PRKN: variants seen among roughly 807,000 people sequenced by gnomAD.
PRKN encodes the protein E3 ubiquitin-protein ligase parkin.
A neutral mutation model predicts 59.5 loss-of-function variants in PRKN; 56 were observed. That is an observed-to-expected ratio of 0.94 (90% CI 0.76 to 1.18). The LOEUF is 1.18. Among genes scored for constraint, PRKN ranks in the 50% most tolerant of loss-of-function variants. The pLI, the probability that PRKN is intolerant of heterozygous loss-of-function variation, is 0.00. For synonymous variants in PRKN, 250 were observed against 222.1 expected (o/e 1.13, Z -1.12); for missense variants, 657 against 596.4 (o/e 1.10, Z -1.06).
intron 2 of PRKN, among the ~76,000 whole-genome samples, chr6:162,436,064 G>A (rs924392690): frequency 1.3e-5 from 2 of 149,222 alleles, no homozygotes; most frequent in Non-Finnish European, 3.0e-5. Context: ...AAATCCCAGC[G>A]ACTTGAGAGG....
Position 161,393,749 on chromosome 6 carries a change from C to T in PRKN, c.1084-6872G>A, listed in dbSNP as rs2114961797. Among the ~76,000 whole-genome samples the T allele has an allele frequency of 6.6e-6, 1 of 151,128 alleles. No individual in the cohort carries two copies. Among genetic ancestry groups the T allele is most frequent in the South Asian group, 2.1e-4 (1 of 4,816 alleles). ...AAAATAAGGCTTGATGATGATCTCT[C>T]TATGGAAGCCAAGATTTCTTTGTGC... On this transcript the variant is annotated intron_variant, in intron 9 of 11. Transcript: ENST00000366898. The surrounding 1 kb of genome is among the most constrained non-coding windows in gnomAD (Gnocchi z 4.7).
chr6:162,129,142 C>G (rs12208628), intron 4 of PRKN, among the ~76,000 whole-genome samples: 14 of 152,158 alleles, frequency 9.2e-5, no homozygotes, highest in Middle Eastern at 3.4e-3. Context: ...TTCTCAAGAG[C>G]AAAAATTCCT....
intron 6 of PRKN, among the ~76,000 whole-genome samples, chr6:161,907,946 C>T (rs1415755471): frequency 4.6e-5 from 7 of 151,894 alleles, no homozygotes; most frequent in Admixed American, 1.3e-4. Flanking sequence ...GGTGTGGGGG[C>T]GGGTGCCTGT....
In PRKN at chr6:161,533,989, C is replaced by A. The variant is rs1187827482; in HGVS notation, c.1083+14865G>T. Among the ~76,000 whole-genome samples the A allele has an allele frequency of 6.6e-6, 1 of 152,056 alleles. No homozygotes were observed. Among genetic ancestry groups the A allele is most frequent in the Non-Finnish European group, 1.5e-5 (1 of 68,018 alleles). ...CTGTGACTTCAGTGAACCCCCTTTC[C>A]ACCTGTCCTCCTCGCCCTCACACTA... is the stretch of plus-strand genomic sequence containing the variant. On this transcript the variant is annotated intron_variant, in intron 9 of 11. Coordinates refer to ENST00000366898, the MANE Select transcript of PRKN (RefSeq NM_004562.3). This position sits in a 1 kb window ranked among gnomAD's most constrained non-coding sequence, Gnocchi z 4.1.
At chr6:161,877,662 G>T (rs1583288766) in intron 6 of PRKN, among the ~76,000 whole-genome samples, 1 of 151,872 alleles carries the variant, frequency 6.6e-6, no homozygotes, top group Admixed American at 6.6e-5. Context: ...TAGAGACAGG[G>T]TTACACCGTG....
intron 3 of PRKN, among the ~76,000 whole-genome samples, chr6:162,207,370 C>T (rs1057384057): frequency 6.6e-6 from 1 of 151,910 alleles, no homozygotes; most frequent in African/African-American, 2.4e-5. Context: ...AGACTCTGTC[C>T]CCCCAACCAA....
At position 162,154,991 on chromosome 6, in the gene PRKN, C is replaced by CA. The variant is rs796724269; in HGVS notation, c.534+46139dup. On this transcript the variant is annotated intron_variant, in intron 4 of 11. Transcript: ENST00000366898. ...ATGCAAAAAAAAAAACAAAAAAATT[C>CA]AAAAAAAGCACAAAAAGGACTCTGA... 4.1e-5 allele frequency among the ~76,000 whole-genome samples: 6 copies of CA among 147,396 alleles called. 1 individual carries two copies. The highest frequency in any genetic ancestry group is 1.5e-4 in the African/African-American group (6 of 40,264).
At chr6:162,555,847 T>C (rs1647816261) in intron 1 of PRKN, among the ~76,000 whole-genome samples, 1 of 151,600 alleles carries the variant, frequency 6.6e-6, no homozygotes, top group African/African-American at 2.4e-5. Context: ...AAAAACTAGC[T>C]GGGTGTGGTG....
At chr6:161,663,533 C>T (rs1439217164) in intron 7 of PRKN, among the ~76,000 whole-genome samples, 1 of 152,054 alleles carries the variant, frequency 6.6e-6, no homozygotes, top group Non-Finnish European at 1.5e-5. Flanking sequence ...AATATTCATA[C>T]TTAGTGGGAT....
At chr6:162,624,015 G>A (rs536554093) in intron 1 of PRKN, among the ~76,000 whole-genome samples, 6 of 152,162 alleles carry the variant, frequency 3.9e-5, no homozygotes, top group East Asian at 1.9e-4. Flanking sequence ...TTGGGAGGCC[G>A]AGGTGGGCGG....
chr6:162,469,230 A>G (rs1435355299), intron 1 of PRKN, among the ~76,000 whole-genome samples: 1 of 151,782 alleles, frequency 6.6e-6, no homozygotes, highest in African/African-American at 2.4e-5. Flanking sequence ...CACTATAAGA[A>G]AAGTTCAGAG....
In PRKN at chr6:161,393,472, C is replaced by T. The variant is rs1786608433; in HGVS notation, c.1084-6595G>A. Reference sequence around the variant, plus strand: ...AGCCCCCTTAGACGCTCTGTACTACCAGAGAGCTATGTGAATGGCCCATCA... The same window carrying T: ...AGCCCCCTTAGACGCTCTGTACTACTAGAGAGCTATGTGAATGGCCCATCA... On this transcript the variant is annotated intron_variant, in intron 9 of 11. Coordinates refer to ENST00000366898, the MANE Select transcript of PRKN (RefSeq NM_004562.3). This position sits in a 1 kb window ranked among gnomAD's most constrained non-coding sequence, Gnocchi z 4.7. Among the ~76,000 whole-genome samples, 1 of 152,090 alleles carries T rather than the reference C, an allele frequency of 6.6e-6. No individual in the cohort carries two copies. The highest frequency in any genetic ancestry group is 1.9e-4 in the East Asian group (1 of 5,198).
rs1299889216 is a variant in PRKN at position 162,021,138 on chromosome 6, ATATATATATATATATATATATAT to A, written c.618+32930_618+32952del. ...CAAAAACATATATATATATATATAT[ATATATATATATATATATATATAT>A]ATATAAAATATATGTGTATATATAT... On this transcript the variant is annotated intron_variant, in intron 5 of 11. Transcript: ENST00000366898. Among the ~76,000 whole-genome samples, 20 of 63,020 alleles carry A rather than the reference ATATATATATATATATATATATAT, an allele frequency of 3.2e-4. 3 individuals carry two copies. The highest frequency in any genetic ancestry group is 2.5e-3 in the Admixed American group (13 of 5,120). 41.3% of individuals were successfully genotyped at this position (63,020 alleles called of 152,430 possible).
intron 7 of PRKN, among the ~76,000 whole-genome samples, chr6:161,781,059 T>G (rs1051534810): frequency 2.0e-5 from 3 of 152,188 alleles, no homozygotes; most frequent in Admixed American, 6.5e-5. Flanking sequence ...GAAACAGGGA[T>G]GGAACCGAAC....
intron 2 of PRKN, among the ~76,000 whole-genome samples, chr6:162,422,118 T>C (rs1789001526): frequency 6.6e-6 from 1 of 152,236 alleles, no homozygotes; most frequent in Non-Finnish European, 1.5e-5. Flanking sequence ...ATCTGCATAA[T>C]GGAAACAGTT....
intron 6 of PRKN, among the ~76,000 whole-genome samples, chr6:161,892,007 C>A (rs1163559538): frequency 6.6e-6 from 1 of 152,190 alleles, no homozygotes; most frequent in Non-Finnish European, 1.5e-5. Flanking sequence ...CCTTTGCATC[C>A]TGATGGACTC....
chr6:162,038,176 A>T (rs1386197290), intron 5 of PRKN, among the ~76,000 whole-genome samples: 1 of 152,064 alleles, frequency 6.6e-6, no homozygotes, highest in African/African-American at 2.4e-5. Flanking sequence ...AATTAAGTAC[A>T]TTTTTATTTA....
chr6:162,473,260 T>C (rs1791847364), intron 1 of PRKN, among the ~76,000 whole-genome samples: 2 of 152,278 alleles, frequency 1.3e-5, no homozygotes, highest in South Asian at 2.1e-4. Flanking sequence ...GATGGGAAAG[T>C]AGTTTTATTT....
intron 6 of PRKN, among the ~76,000 whole-genome samples, chr6:161,858,252 C>T (rs1332908171): frequency 6.6e-6 from 1 of 152,148 alleles, no homozygotes; most frequent in African/African-American, 2.4e-5. Context: ...ACTATTATCA[C>T]ATGAGACATG....
Sources: gnomAD v4.1 joint callset for allele counts (sites outside exome capture counted in the v4.1 genomes callset) on GRCh38, gnomAD v4.1.1 for gene constraint, Gnocchi (gnomAD v3.1) non-coding constraint, MANE v1.5 for transcripts, NCBI Gene and HGNC (gene_info 2026-07-23, HGNC 2026-07-21) for gene names.